Variants in OR51A7 observed in about 807,000 individuals in gnomAD.
The protein encoded by OR51A7 is olfactory receptor family 51 subfamily A member 7.
For missense variants in OR51A7, 409 were observed against 374.5 expected, an observed-to-expected ratio of 1.09 and a Z score of -0.76; for synonymous variants, 143 against 135.5, an observed-to-expected ratio of 1.05 and a Z score of -0.38.
Position 4,908,092 on chromosome 11 carries a change from C to T in OR51A7, c.723C>T (p.Val241=). The stretch of plus-strand genomic sequence containing the variant: ...GGCTTAAGGCCCTAAATACCTGTGT[C>T]TCCCACATCTGTGCTGTGCTCACCT... ...AERLKALNTC[V]SHICAVLTFY... The change falls in exon 2 of 2, where the codon GTC becomes GTT. Residue 241 remains valine (V), a synonymous_variant. Coordinates refer to ENST00000641490, the MANE Select transcript of OR51A7 (RefSeq NM_001004749.2). 6.2e-7 allele frequency: 1 copy of T among 1,614,108 alleles called. No individual in the cohort carries two copies. The highest frequency in any genetic ancestry group is 8.5e-7 in the Non-Finnish European group (1 of 1,179,944).
intron 1 of OR51A7, among the ~76,000 whole-genome samples, 169 bp from the exon 2 acceptor site, chr11:4,907,170 A>T (rs965107335): frequency 6.6e-6 from 1 of 151,218 alleles, no homozygotes; most frequent in African/African-American, 2.4e-5. Context: ...AAGTGAATTT[A>T]CCATGCTGGA....
intron 1 of OR51A7, 32 bp downstream of exon 1, chr11:4,903,876 T>A (rs1271116745): frequency 6.6e-6 from 1 of 152,070 alleles, no homozygotes; most frequent in South Asian, 2.1e-4. Context: ...TGAATACATG[T>A]CTATGGGGAG....
At position 4,907,811 on chromosome 11, in the gene OR51A7, T is replaced by G; in HGVS notation, c.442T>G (p.Leu148Val). 1 of 1,614,004 alleles carries G rather than the reference T, an allele frequency of 6.2e-7. No individual in the cohort carries two copies. Among genetic ancestry groups the G allele is most frequent in the Non-Finnish European group, 8.5e-7 (1 of 1,179,970 alleles). Residue 148 changes from leucine (L) to valine (V), a missense_variant, in exon 2 of 2, where the codon TTA becomes GTA. Leu to Val is a conservative substitution (Grantham distance 32). Coordinates refer to ENST00000641490, the MANE Select transcript of OR51A7 (RefSeq NM_001004749.2). Reference sequence around the variant, plus strand: ...CAGGGTTGCTAAAATGGGACTTATTTTAGCCATTAGGAGCATTCTCTTAGT... The same window carrying G: ...CAGGGTTGCTAAAATGGGACTTATTGTAGCCATTAGGAGCATTCTCTTAGT... ...SNRVAKMGLI[L>V]AIRSILLVIP... is the part of the protein sequence containing the mutation.
chr11:4,905,318 T>C (rs1228224558), intron 1 of OR51A7, among the ~76,000 whole-genome samples: 2 of 152,180 alleles, frequency 1.3e-5, no homozygotes, highest in African/African-American at 2.4e-5. Context: ...CCCTTTTCCA[T>C]GTAGAAGATG....
intron 1 of OR51A7, among the ~76,000 whole-genome samples, chr11:4,905,322 G>C (rs1237514432): frequency 1.3e-5 from 2 of 152,138 alleles, no homozygotes; most frequent in Non-Finnish European, 2.9e-5. Context: ...TTTCCATGTA[G>C]AAGATGCAGA....
At position 4,907,340 on chromosome 11, in the gene OR51A7, T is replaced by C. The variant is rs780707636; in HGVS notation, c.-30T>C. 3 of 1,444,630 alleles carry C rather than the reference T, an allele frequency of 2.1e-6. No homozygotes were observed. The highest frequency in any genetic ancestry group is 1.9e-6 in the Non-Finnish European group (2 of 1,036,828). 89.5% of individuals were successfully genotyped at this position (1,444,630 alleles called of 1,614,324 possible). On this transcript the variant is annotated splice_region_variant and 5_prime_UTR_variant, in exon 2 of 2. Transcript: ENST00000641490. Reference sequence around the variant, plus strand: ...TGCTTTTCATTTATATGGTTTCAGATCCGGCTAACGAGCTCATATCTCCCT... The same window carrying C: ...TGCTTTTCATTTATATGGTTTCAGACCCGGCTAACGAGCTCATATCTCCCT...
chr11:4,908,189 C>T lies in OR51A7; in HGVS notation c.820C>T (p.Leu274Phe), dbSNP rs150088577. ...AKHKSPLVVI[L>F]IADMFLLVPP... Reference sequence around the variant, plus strand: ...GCACAAAAGCCCTCTTGTTGTGATCCTTATTGCAGATATGTTCTTGTTGGT... The same window carrying T: ...GCACAAAAGCCCTCTTGTTGTGATCTTTATTGCAGATATGTTCTTGTTGGT... The change falls in exon 2 of 2, where the codon CTT becomes TTT. Residue 274 changes from leucine (L) to phenylalanine (F), a missense_variant. By Grantham distance (22) the Leu-to-Phe change is conservative (BLOSUM62 0). Coordinates refer to ENST00000641490, the MANE Select transcript of OR51A7 (RefSeq NM_001004749.2). 197 of 1,614,180 alleles carry T rather than the reference C, an allele frequency of 1.2e-4. No homozygotes were observed. Among genetic ancestry groups the T allele is most frequent in the Middle Eastern group, 6.6e-4 (4 of 6,062 alleles).
chr11:4,904,715 AG>A (rs1850856751), intron 1 of OR51A7, among the ~76,000 whole-genome samples: 1 of 152,126 alleles, frequency 6.6e-6, no homozygotes, highest in Non-Finnish European at 1.5e-5. Flanking sequence ...TTAAAATATG[AG>A]TGAAAAGAAT....
Position 4,908,070 on chromosome 11 carries a change from T to C in OR51A7, c.701T>C (p.Leu234Pro). 1 of 1,614,172 alleles carries C rather than the reference T, an allele frequency of 6.2e-7. No homozygotes were observed. The highest frequency in any genetic ancestry group is 8.5e-7 in the Non-Finnish European group (1 of 1,179,996). The change falls in exon 2 of 2, where the codon CTT becomes CCT. Residue 234 changes from leucine to proline, a missense_variant. Coordinates refer to ENST00000641490, the MANE Select transcript of OR51A7 (RefSeq NM_001004749.2). The part of the protein sequence containing the change: ...ILSIASLAER[L>P]KALNTCVSHI... ...AGCATTGCATCTTTGGCAGAGAGGC[T>C]TAAGGCCCTAAATACCTGTGTCTCC... is the stretch of plus-strand genomic sequence containing the variant.
chr11:4,905,237 T>C (rs1049184438), intron 1 of OR51A7, among the ~76,000 whole-genome samples: 1 of 152,130 alleles, frequency 6.6e-6, no homozygotes, highest in Non-Finnish European at 1.5e-5. Flanking sequence ...CACATTATAC[T>C]TACCCTGGGT....
chr11:4,908,467 AGG>A lies in OR51A7; in HGVS notation c.*160_*161del. On this transcript the variant is annotated 3_prime_UTR_variant, in exon 2 of 2. Transcript: ENST00000641490. ...AATAAAGTTGAGAATATAACTGAAC[AGG>A]ATAGAAAAAAAAGTCAAGAGATATA... 1 of 680,838 alleles carries A rather than the reference AGG, an allele frequency of 1.5e-6. No individual in the cohort carries two copies. The highest frequency in any genetic ancestry group is 2.5e-6 in the Non-Finnish European group (1 of 394,496). 42.2% of individuals were successfully genotyped at this position (680,838 alleles called of 1,614,324 possible). A position where few individuals can be genotyped will look rare whatever the true frequency, so the allele number is the denominator to read the frequency against.
chr11:4,904,070 C>T (rs1850845042), intron 1 of OR51A7, among the ~76,000 whole-genome samples: 2 of 152,152 alleles, frequency 1.3e-5, no homozygotes, highest in African/African-American at 2.4e-5. Flanking sequence ...ATATAAATTA[C>T]TCTTGTCCAA....
Position 4,908,517 on chromosome 11 carries a change from C to T in OR51A7, c.*209C>T, listed in dbSNP as rs1447588524. 4 of 577,358 alleles carry T rather than the reference C, an allele frequency of 6.9e-6. No homozygotes were observed. Among genetic ancestry groups the T allele is most frequent in the South Asian group, 2.1e-5 (1 of 48,082 alleles). 35.8% of individuals were successfully genotyped at this position (577,358 alleles called of 1,614,324 possible). A position where few individuals can be genotyped will look rare whatever the true frequency, so the allele number is the denominator to read the frequency against. On this transcript the variant is annotated 3_prime_UTR_variant, in exon 2 of 2. Transcript: ENST00000641490. Reference sequence around the variant, plus strand: ...ATATAAGATATAGAGGTTTAATTAACATTTTAAGGGAAGTTGAAGGAAAAT... The same window carrying T: ...ATATAAGATATAGAGGTTTAATTAATATTTTAAGGGAAGTTGAAGGAAAAT...
In OR51A7 at chr11:4,907,871, T is replaced by C; in HGVS notation, c.502T>C (p.Tyr168His). 1 of 1,613,978 alleles carries C rather than the reference T, an allele frequency of 6.2e-7. No homozygotes were observed. The highest frequency in any genetic ancestry group is 8.5e-7 in the Non-Finnish European group (1 of 1,180,002). ...TCCCTTCACCTTAAGGAGATTAAAA[T>C]ATTGTCAAAAGAATCTTCTTTCTCA... ...PFPFTLRRLK[Y>H]CQKNLLSHSY... The change falls in exon 2 of 2, where the codon TAT becomes CAT. Residue 168 changes from tyrosine (Y) to histidine (H), a missense_variant. Physicochemically the swap from Tyr to His is moderately conservative, Grantham distance 83 (BLOSUM62 2). Coordinates refer to ENST00000641490, the MANE Select transcript of OR51A7 (RefSeq NM_001004749.2).
chr11:4,907,506 T>C lies in OR51A7; in HGVS notation c.137T>C (p.Leu46Pro). 6.2e-7 allele frequency: 1 copy of C among 1,614,088 alleles called. No homozygotes were observed. The highest frequency in any genetic ancestry group is 8.5e-7 in the Non-Finnish European group (1 of 1,179,994). Residue 46 changes from leucine (L) to proline (P), a missense_variant, in exon 2 of 2, where the codon CTC becomes CCC. Transcript: ENST00000641490. ...GCCATCATGGGCAACTGCACCATTC[T>C]CTTTATTATAAAGACAGAGCCCTCG... ...LLAIMGNCTI[L>P]FIIKTEPSLH...
intron 1 of OR51A7, among the ~76,000 whole-genome samples, chr11:4,906,619 T>G (rs1033491659): frequency 2.0e-5 from 3 of 152,216 alleles, no homozygotes; most frequent in African/African-American, 4.8e-5. Context: ...TGATCTCTGA[T>G]TATTTTCTTA....
rs1564804843 is a variant in OR51A7 at position 4,908,115 on chromosome 11, C to T, written c.746C>T (p.Thr249Ile). The T allele has an allele frequency of 5.6e-6, 9 of 1,614,182 alleles. No individual in the cohort carries two copies. Among genetic ancestry groups the T allele is most frequent in the Non-Finnish European group, 7.6e-6 (9 of 1,180,016 alleles). Residue 249 changes from threonine (T) to isoleucine (I), a missense_variant, in exon 2 of 2, where the codon ACC (threonine) becomes ATC (isoleucine). By Grantham distance (89) the Thr-to-Ile change is moderately conservative. Transcript: ENST00000641490. ...TCVSHICAVL[T>I]FYVPIITLAA... is the part of the protein sequence containing the mutation. ...GTCTCCCACATCTGTGCTGTGCTCA[C>T]CTTCTATGTGCCCATCATCACCCTG...
At chr11:4,905,385 A>G (rs1200780581) in intron 1 of OR51A7, among the ~76,000 whole-genome samples, 1 of 152,160 alleles carries the variant, frequency 6.6e-6, no homozygotes, top group Non-Finnish European at 1.5e-5. Flanking sequence ...AGTAAAATAT[A>G]TTGGCCCAAG....
At chr11:4,904,618 C>T (rs1021960196) in intron 1 of OR51A7, among the ~76,000 whole-genome samples, 9 of 152,076 alleles carry the variant, frequency 5.9e-5, no homozygotes, top group Non-Finnish European at 8.8e-5. Context: ...CATGTCAGTA[C>T]TTCTGAATAA....
Sources: allele counts gnomAD v4.1 joint callset (sites outside exome capture counted in the v4.1 genomes callset), GRCh38; gene constraint gnomAD v4.1.1; transcripts MANE v1.5; gene names NCBI Gene and HGNC (gene_info 2026-07-23, HGNC 2026-07-21).